Variants in SFRP2 observed in about 807,000 individuals in gnomAD.
SFRP2 encodes the protein secreted frizzled related protein 2.
SFRP2 carries 16 observed loss-of-function variants against 26.0 expected under a neutral mutation model. The observed-to-expected ratio is 0.61, with a 90% CI of 0.42 to 0.93. The LOEUF (loss-of-function observed/expected upper bound fraction) is 0.93. Ranked by LOEUF, SFRP2 falls within the 40% of genes least tolerant of loss-of-function variation. The pLI, the probability that SFRP2 is intolerant of heterozygous loss-of-function variation, is 0.00. For missense variants in SFRP2, 343 were observed against 392.4 expected, an observed-to-expected ratio of 0.87 and a Z score of 1.06; for synonymous variants, 173 against 167.3, an observed-to-expected ratio of 1.03 and a Z score of -0.26.
At chr4:153,784,730 G>C (rs1741174643) in intron 2 of SFRP2, among the ~76,000 whole-genome samples, 1 of 152,112 alleles carries the variant, frequency 6.6e-6, no homozygotes, top group South Asian at 2.1e-4. Flanking sequence ...TGTTAATATG[G>C]GTCTATTAGA....
In SFRP2 at chr4:153,788,901, C is replaced by T; in HGVS notation, c.-66G>A. ...GGGGAAGGGCGAGGCGGCCGGAGTT[C>T]GAGCTTGTCCCGGGCCCGCTCTCTT... On this transcript the variant is annotated 5_prime_UTR_variant, in exon 1 of 3. Coordinates refer to ENST00000274063, the MANE Select transcript of SFRP2 (RefSeq NM_003013.3). 1.4e-6 allele frequency: 2 copies of T among 1,465,458 alleles called. No individual in the cohort carries two copies. Among genetic ancestry groups the T allele is most frequent in the African/African-American group, 1.4e-5 (1 of 71,224 alleles). 90.8% of individuals were successfully genotyped at this position (1,465,458 alleles called of 1,614,324 possible). A position where few individuals can be genotyped will look rare whatever the true frequency, so the allele number is the denominator to read the frequency against.
chr4:153,783,120 G>A (rs1741149048), intron 2 of SFRP2, among the ~76,000 whole-genome samples: 2 of 152,086 alleles, frequency 1.3e-5, no homozygotes, highest in African/African-American at 4.8e-5. Context: ...GGTATGATAT[G>A]CATCTGAACT....
In SFRP2 at chr4:153,781,712, A is replaced by G; in HGVS notation, c.627T>C (p.Asp209=). The G allele has an allele frequency of 6.2e-7, 1 of 1,614,018 alleles. No individual in the cohort carries two copies. Among genetic ancestry groups the G allele is most frequent in the African/African-American group, 1.3e-5 (1 of 74,974 alleles). Residue 209 remains aspartate (D), a synonymous_variant, in exon 3 of 3, where the codon GAT becomes GAC. Coordinates refer to ENST00000274063, the MANE Select transcript of SFRP2 (RefSeq NM_003013.3). ...KVKEITYINR[D]TKIILETKSK... is the part of the protein sequence containing the mutation. Reference sequence around the variant, plus strand: ...TCTTGGTCTCCAGGATGATTTTGGTATCTCGGTTGATGTAGGTTATCTCCT... The same window carrying G: ...TCTTGGTCTCCAGGATGATTTTGGTGTCTCGGTTGATGTAGGTTATCTCCT...
intron 2 of SFRP2, 32 bp downstream of exon 2, chr4:153,785,832 G>A (rs550694146): frequency 2.2e-6 from 3 of 1,371,370 alleles, no homozygotes; most frequent in African/African-American, 2.9e-5. Flanking sequence ...ACTTCTGAAT[G>A]TGAAATCTGT....
intron 2 of SFRP2, among the ~76,000 whole-genome samples, chr4:153,784,391 A>G (rs1255400244): frequency 6.6e-6 from 1 of 152,220 alleles, no homozygotes; most frequent in Non-Finnish European, 1.5e-5. Context: ...ATACATTTGA[A>G]AACAGGCATA....
chr4:153,788,157 G>C (rs960590287), intron 1 of SFRP2, among the ~76,000 whole-genome samples, 177 bp downstream of exon 1: 2 of 152,222 alleles, frequency 1.3e-5, no homozygotes, highest in African/African-American at 4.8e-5. Context: ...CGGCGTGGGA[G>C]GGGTGCCTCA....
chr4:153,786,817 T>C (rs1459529168), intron 1 of SFRP2, among the ~76,000 whole-genome samples: 1 of 151,412 alleles, frequency 6.6e-6, no homozygotes, highest in African/African-American at 2.4e-5. Context: ...TCAGAAGACC[T>C]GCTAAAAGCT....
At position 153,781,234 on chromosome 4, in the gene SFRP2, G is replaced by A. The variant is rs1161643678; in HGVS notation, c.*217C>T. 2.0e-5 allele frequency: 11 copies of A among 539,772 alleles called. No individual in the cohort carries two copies. The East Asian group carries it at 3.2e-4, about 15-fold the overall frequency. The allele number at this position is 539,772 out of a possible 1,614,324, so 33.4% of individuals were successfully genotyped here. A position where few individuals can be genotyped will look rare whatever the true frequency, so the allele number is the denominator to read the frequency against. On this transcript the variant is annotated 3_prime_UTR_variant, in exon 3 of 3. Coordinates refer to ENST00000274063, the MANE Select transcript of SFRP2 (RefSeq NM_003013.3). The stretch of plus-strand genomic sequence containing the variant: ...GTTTGAATATTTCTACAAGATTCGG[G>A]TGGGCTTTTCCTTTAGGTGAAAACA...
In SFRP2 at chr4:153,788,835, T is replaced by TCGTGGGC. The variant is rs964499840; in HGVS notation, c.-7_-1dup. On this transcript the variant is annotated 5_prime_UTR_variant, in exon 1 of 3. Coordinates refer to ENST00000274063, the MANE Select transcript of SFRP2 (RefSeq NM_003013.3). ...AGCAGCGAGCCAGGGCCCTGCAGCATCGTGGGCGCGCGACCCCGAGGGGGC... is the reference window on the plus strand; with the variant it reads ...AGCAGCGAGCCAGGGCCCTGCAGCATCGTGGGCCGTGGGCGCGCGACCCCGAGGGGGC... 1 of 1,585,280 alleles carries TCGTGGGC rather than the reference T, an allele frequency of 6.3e-7. No individual in the cohort carries two copies. The highest frequency in any genetic ancestry group is 1.3e-5 in the African/African-American group (1 of 74,426).
At chr4:153,786,016 C>A in intron 1 of SFRP2, 72 bp from the exon 2 acceptor site, 1 of 846,526 alleles carries the variant, frequency 1.2e-6, no homozygotes, top group South Asian at 1.8e-5. Context: ...GTAAACAACT[C>A]AAAGGGACTT....
chr4:153,780,638 C>T lies in SFRP2; in HGVS notation c.*813G>A, dbSNP rs1460945289. 3 of 152,566 alleles carry T rather than the reference C, an allele frequency of 2.0e-5. No individual in the cohort carries two copies. The highest frequency in any genetic ancestry group is 7.2e-5 in the African/African-American group (3 of 41,418). 9.5% of individuals were successfully genotyped at this position (152,566 alleles called of 1,614,324 possible). A position where few individuals can be genotyped will look rare whatever the true frequency, so the allele number is the denominator to read the frequency against. The stretch of plus-strand genomic sequence containing the variant: ...TTATATACAAGAATATAATGTTTAT[C>T]TGAAATATTTACAGTGTTGGTTAAA... On this transcript the variant is annotated 3_prime_UTR_variant, in exon 3 of 3. Transcript: ENST00000274063.
At chr4:153,782,030 C>G (rs1044136874) in intron 2 of SFRP2, among the ~76,000 whole-genome samples, 1 of 152,178 alleles carries the variant, frequency 6.6e-6, no homozygotes, top group African/African-American at 2.4e-5. Flanking sequence ...CTTTTCTTCT[C>G]CTTTCCTCAC....
chr4:153,782,178 A>C (rs1209516529), intron 2 of SFRP2, among the ~76,000 whole-genome samples: 1 of 152,224 alleles, frequency 6.6e-6, no homozygotes, highest in East Asian at 1.9e-4. Flanking sequence ...CGTAAAGTTT[A>C]AACTCAATTT....
chr4:153,784,236 G>C (rs1579128737), intron 2 of SFRP2, among the ~76,000 whole-genome samples: 1 of 152,176 alleles, frequency 6.6e-6, no homozygotes, highest in African/African-American at 2.4e-5. Context: ...CTTTTTAATA[G>C]AAATTTTATA....
chr4:153,783,960 C>G (rs1741160326), intron 2 of SFRP2, among the ~76,000 whole-genome samples: 1 of 152,140 alleles, frequency 6.6e-6, no homozygotes, highest in Non-Finnish European at 1.5e-5. Flanking sequence ...TTTTGAAAGG[C>G]TTTCTCTCTG....
intron 2 of SFRP2, 99 bp downstream of exon 2, chr4:153,785,765 A>T: frequency 2.6e-6 from 2 of 759,276 alleles, no homozygotes; most frequent in South Asian, 3.8e-5. Context: ...GTTTTACCCA[A>T]CCTTTATCTA....
In SFRP2 at chr4:153,788,758, G is replaced by A. The variant is rs4076441; in HGVS notation, c.78C>T (p.Phe26=). ...HCCLGSARGL[F]LFGQPDFSYK... is the part of the protein sequence containing the mutation. ...AGGAGAAGTCGGGCTGGCCAAAGAG[G>A]AAGAGCCCGCGCGCCGAGCCCAGGC... The change falls in exon 1 of 3, where the codon TTC becomes TTT. Residue 26 remains phenylalanine (F), a synonymous_variant. Coordinates refer to ENST00000274063, the MANE Select transcript of SFRP2 (RefSeq NM_003013.3). 0.013 allele frequency: 21,187 copies of A among 1,612,152 alleles called. 518 individuals carry two copies. Among genetic ancestry groups the A allele is most frequent in the African/African-American group, 0.1 (7,872 of 75,024 alleles).
In SFRP2 at chr4:153,781,231, C is replaced by T. The variant is rs374616086; in HGVS notation, c.*220G>A. 3.7e-6 allele frequency: 2 copies of T among 538,654 alleles called. No homozygotes were observed. The highest frequency in any genetic ancestry group is 3.8e-5 in the African/African-American group (2 of 53,318). The allele number at this position is 538,654 out of a possible 1,614,324, so 33.4% of individuals were successfully genotyped here. ...TTAGTTTGAATATTTCTACAAGATT[C>T]GGGTGGGCTTTTCCTTTAGGTGAAA... is the stretch of plus-strand genomic sequence containing the variant. On this transcript the variant is annotated 3_prime_UTR_variant, in exon 3 of 3. Transcript: ENST00000274063.
At position 153,788,475 on chromosome 4, in the gene SFRP2, C is replaced by T. The variant is rs1741251664; in HGVS notation, c.361G>A (p.Val121Met). 2 of 1,614,104 alleles carry T rather than the reference C, an allele frequency of 1.2e-6. No individual in the cohort carries two copies. Among genetic ancestry groups the T allele is most frequent in the African/African-American group, 1.3e-5 (1 of 74,936 alleles). The stretch of plus-strand genomic sequence containing the variant: ...ATGACCGGGGCGCAGCGGTCCTTCA[C>T]CTGCACGCAGAGCGAGTGGCATGGC... Reference protein sequence around the residue: ...IQPCHSLCVQVKDRCAPVMSA... With the variant: ...IQPCHSLCVQMKDRCAPVMSA... The change falls in exon 1 of 3, where the codon GTG (valine) becomes ATG (methionine). Residue 121 changes from valine (V) to methionine (M), a missense_variant. By Grantham distance (21) the Val-to-Met change is conservative. Coordinates refer to ENST00000274063, the MANE Select transcript of SFRP2 (RefSeq NM_003013.3).
Sources: allele counts gnomAD v4.1 joint callset (sites outside exome capture counted in the v4.1 genomes callset), GRCh38; gene constraint gnomAD v4.1.1; transcripts MANE v1.5; gene names NCBI Gene and HGNC (gene_info 2026-07-23, HGNC 2026-07-21).